SYNE3: variants seen among roughly 807,000 people sequenced by gnomAD.
SYNE3 encodes nesprin-3.
A neutral mutation model predicts 111.2 loss-of-function variants in SYNE3; 100 were observed. The observed-to-expected ratio is 0.90, with a 90% CI of 0.77 to 1.06. SYNE3 has a LOEUF of 1.06. SYNE3 is among the 50% of genes least tolerant of loss of function. SYNE3 has a pLI of 0.00. For missense variants in SYNE3, 1,160 were observed against 1,240.3 expected, an observed-to-expected ratio of 0.94 and a Z score of 0.97; for synonymous variants, 547 against 533.9, an observed-to-expected ratio of 1.02 and a Z score of -0.34.
intron 11 of SYNE3, among the ~76,000 whole-genome samples, chr14:95,441,227 T>C (rs570361734): frequency 6.6e-6 from 1 of 152,340 alleles, no homozygotes; most frequent in South Asian, 2.1e-4. Flanking sequence ...ACCAGGCCCA[T>C]ACCAGGGGCT....
At position 95,478,654 on chromosome 14, in the gene SYNE3, T is replaced by C. The variant is rs539887547; in HGVS notation, c.-14-2819A>G. On this transcript the variant is annotated intron_variant, in intron 1 of 17. Transcript: ENST00000682763. ...AGAATGGTCTGGGGGACACTGTCTA[T>C]TGGCAGAGGTATACTCTTCCTGTAA... Among the ~76,000 whole-genome samples, 7 of 152,334 alleles carry C rather than the reference T, an allele frequency of 4.6e-5. No homozygotes were observed. The South Asian group carries it at 1.5e-3, about 32-fold the overall frequency.
chr14:95,474,069 G>A (rs987478946), intron 2 of SYNE3, among the ~76,000 whole-genome samples: 1 of 150,652 alleles, frequency 6.6e-6, no homozygotes, highest in Admixed American at 6.6e-5. Context: ...TGGAGCTAAG[G>A]CTGGTGTGAG....
Position 95,480,901 on chromosome 14 carries a change from C to T in SYNE3, c.-14-5066G>A, listed in dbSNP as rs377320215. Among the ~76,000 whole-genome samples, 11 of 152,374 alleles carry T rather than the reference C, an allele frequency of 7.2e-5. No individual in the cohort carries two copies. In the East Asian group the frequency reaches 1.9e-3, roughly 27 times the overall value. On this transcript the variant is annotated intron_variant, in intron 1 of 17. Coordinates refer to ENST00000682763, the MANE Select transcript of SYNE3 (RefSeq NM_152592.6). ...CCCGGTCTGAAAGGCAGCCCCAGCC[C>T]ATCTCAGCAGCAGCAGAAGGGGAGT...
chr14:95,475,572 T>G, intron 2 of SYNE3, 106 bp downstream of exon 2: 1 of 1,228,190 alleles, frequency 8.1e-7, no homozygotes, highest in South Asian at 2.5e-5. Flanking sequence ...TGAGAAACAT[T>G]GGTTTAGTCC....
chr14:95,437,021 A>G, intron 14 of SYNE3, 40 bp from the exon 15 acceptor site: 2 of 1,612,730 alleles, frequency 1.2e-6, no homozygotes, highest in African/African-American at 1.3e-5. Context: ...GAGGTGAAAG[A>G]GCCCCCCTGG....
In SYNE3 at chr14:95,471,231, A is replaced by G. The variant is rs541820114; in HGVS notation, c.145-3264T>C. ...TCACAGGAGCCAACAACTCTGGGGA[A>G]GAAGTGAAATTCCATCTCCCTTGGC... On this transcript the variant is annotated intron_variant, in intron 2 of 17. Transcript: ENST00000682763. 7.9e-5 allele frequency among the ~76,000 whole-genome samples: 12 copies of G among 152,320 alleles called. No individual in the cohort carries two copies. The East Asian group carries it at 2.3e-3, about 29-fold the overall frequency.
intron 3 of SYNE3, 70 bp from the exon 4 acceptor site, chr14:95,466,310 G>C (rs1032444805): frequency 3.9e-5 from 58 of 1,489,606 alleles, no homozygotes; most frequent in African/African-American, 4.2e-5. Flanking sequence ...GGTCTGTGCT[G>C]TCACCCCCTC....
intron 17 of SYNE3, among the ~76,000 whole-genome samples, chr14:95,429,152 T>C (rs1337111649): frequency 6.6e-6 from 1 of 152,206 alleles, no homozygotes; most frequent in African/African-American, 2.4e-5. Context: ...GATTTCCCCC[T>C]TGGATGTGTC....
At chr14:95,432,303 C>A (rs1160968218) in intron 16 of SYNE3, among the ~76,000 whole-genome samples, 186 bp from the exon 17 acceptor site, 1 of 152,246 alleles carries the variant, frequency 6.6e-6, no homozygotes, top group African/African-American at 2.4e-5. Flanking sequence ...TAACACACTT[C>A]AGGCCCAGCT....
chr14:95,449,609 A>T, intron 8 of SYNE3: 1 of 985,460 alleles, frequency 1.0e-6, no homozygotes, highest in South Asian at 4.7e-5. Flanking sequence ...GTTTCTTGCC[A>T]CTTGGAGCTG....
intron 17 of SYNE3, among the ~76,000 whole-genome samples, chr14:95,418,912 T>C (rs1044391913): frequency 2.6e-5 from 4 of 151,944 alleles, no homozygotes; most frequent in Admixed American, 6.6e-5. Context: ...CCTCTCTTCT[T>C]TTCCTCCCTC....
chr14:95,474,685 T>C (rs17092474), intron 2 of SYNE3, among the ~76,000 whole-genome samples: 2,457 of 152,286 alleles, frequency 0.016, 147 homozygotes, highest in Admixed American at 0.13. Flanking sequence ...GGATTGTTAA[T>C]TCCCACGGTC....
rs183920704 is a variant in SYNE3 at position 95,471,715 on chromosome 14, C to T, written c.145-3748G>A. Among the ~76,000 whole-genome samples, 7 of 152,352 alleles carry T rather than the reference C, an allele frequency of 4.6e-5. No homozygotes were observed. The South Asian group carries it at 1.2e-3, about 27-fold the overall frequency. ...AGATTCTTTTATAGCCCATCACCAG[C>T]AAGGACACAGTCCAGGAGTGCTTGG... On this transcript the variant is annotated intron_variant, in intron 2 of 17. Coordinates refer to ENST00000682763, the MANE Select transcript of SYNE3 (RefSeq NM_152592.6).
At chr14:95,465,834 T>G (rs1888128060) in intron 4 of SYNE3, 97 bp downstream of exon 4, 1 of 1,309,418 alleles carries the variant, frequency 7.6e-7, no homozygotes, top group African/African-American at 1.5e-5. Flanking sequence ...AGTAGGTAAA[T>G]AGCTTGATAG....
At chr14:95,480,970 C>T (rs543216658) in intron 1 of SYNE3, among the ~76,000 whole-genome samples, 11 of 152,306 alleles carry the variant, frequency 7.2e-5, no homozygotes, top group South Asian at 4.1e-4. Context: ...CATTAGCTGG[C>T]GGCCTGGGCA....
In SYNE3 at chr14:95,457,322, A is replaced by G. The variant is rs1290955170; in HGVS notation, c.644T>C (p.Leu215Pro). Residue 215 changes from leucine to proline, a missense_variant, in exon 5 of 18, where the codon CTG (leucine) becomes CCG (proline). Coordinates refer to ENST00000682763, the MANE Select transcript of SYNE3 (RefSeq NM_152592.6). ...CTCATGCTCCCGGGCCACCTGCTCCAGCAGATCTACACGCTTCTGTGGGAG... is the reference window on the plus strand; with the variant it reads ...CTCATGCTCCCGGGCCACCTGCTCCGGCAGATCTACACGCTTCTGTGGGAG... ...KAKAQKRVDLLEQVAREHEEY... is the reference protein window; with the variant it reads ...KAKAQKRVDLPEQVAREHEEY... The G allele has an allele frequency of 1.2e-6, 2 of 1,600,262 alleles. No individual in the cohort carries two copies. The highest frequency in any genetic ancestry group is 1.7e-6 in the Non-Finnish European group (2 of 1,172,218).
chr14:95,460,427 G>T (rs1454468900), intron 4 of SYNE3, among the ~76,000 whole-genome samples: 1 of 144,662 alleles, frequency 6.9e-6, no homozygotes, highest in Non-Finnish European at 1.5e-5. Context: ...CACCATGTTG[G>T]CTAGGTTGGT....
At chr14:95,442,763 C>T (rs541000988) in intron 11 of SYNE3, among the ~76,000 whole-genome samples, 5 of 152,322 alleles carry the variant, frequency 3.3e-5, no homozygotes, top group East Asian at 3.9e-4. Context: ...GACCCGAGGC[C>T]GCCTGTGTTC....
intron 9 of SYNE3, 144 bp from the exon 10 acceptor site, chr14:95,444,772 T>C: frequency 1.9e-6 from 2 of 1,026,934 alleles, no homozygotes; most frequent in African/African-American, 3.2e-5. Context: ...AAGCCTTCCC[T>C]GAGCCCTGAT....
Sources: gnomAD v4.1 joint callset for allele counts (sites outside exome capture counted in the v4.1 genomes callset) on GRCh38, gnomAD v4.1.1 for gene constraint, MANE v1.5 for transcripts, NCBI Gene and HGNC (gene_info 2026-07-23, HGNC 2026-07-21) for gene names.